EPO: variants seen among roughly 807,000 people sequenced by gnomAD.
EPO encodes the protein epoetin.
A neutral mutation model predicts 24.4 loss-of-function variants in EPO; 12 were observed. The observed-to-expected ratio is 0.49, with a 90% confidence interval of 0.32 to 0.80. EPO has a LOEUF of 0.80. Among genes scored for constraint, EPO ranks in the 30% least tolerant of loss-of-function variants. The pLI is 0.04. For synonymous variants in EPO, 107 were observed against 104.0 expected (o/e 1.03, Z -0.18); for missense variants, 210 against 238.0 (o/e 0.88, Z 0.77).
Position 100,720,510 on chromosome 7 carries a change from A to T in EPO, c.-471A>T, listed in dbSNP as rs1806722153. ...GCTCCGCCAGTCCCAAGGGTGCGCA[A>T]CCGGCTGCACTCCCCTCCCGCGACC... On this transcript the variant is annotated 5_prime_UTR_variant, in exon 1 of 5. Coordinates refer to ENST00000252723, the MANE Select transcript of EPO (RefSeq NM_000799.4). Among the ~76,000 whole-genome samples, 1 of 151,938 alleles carries T rather than the reference A, an allele frequency of 6.6e-6. No individual in the cohort carries two copies. The highest frequency in any genetic ancestry group is 1.5e-5 in the Non-Finnish European group (1 of 67,948).
rs747340501 is a variant in EPO, at chr7:100,721,703, G to C, written c.159G>C (p.Thr53=). The C allele has an allele frequency of 1.2e-6, 2 of 1,608,164 alleles. No individual in the cohort carries two copies. The highest frequency in any genetic ancestry group is 1.7e-6 in the Non-Finnish European group (2 of 1,179,702). The change falls in exon 2 of 5, where the codon ACG becomes ACC. Residue 53 remains threonine, a splice_region_variant and synonymous_variant. Transcript: ENST00000252723. The surrounding 1 kb of genome is among the most constrained non-coding windows in gnomAD (Gnocchi z 4.0). ...LLEAKEAENI[T]TGCAEHCSLN... is the part of the protein sequence containing the mutation. ...AGGCCAAGGAGGCCGAGAATATCAC[G>C]GTGAGACCCCTTCCCCAGCACATTC...
At position 100,722,985 on chromosome 7, in the gene EPO, C is replaced by T; in HGVS notation, c.434C>T (p.Ala145Val). The T allele has an allele frequency of 6.2e-7, 1 of 1,613,820 alleles. No individual in the cohort carries two copies. The highest frequency in any genetic ancestry group is 8.5e-7 in the Non-Finnish European group (1 of 1,179,840). The part of the protein sequence containing the change: ...LLRALGAQKE[A>V]ISPPDAASAA... ...CTGTTTTCTCCTTGGCAGAAGGAAG[C>T]CATCTCCCCTCCAGATGCGGCCTCA... Residue 145 changes from alanine (A) to valine (V), a missense_variant, in exon 5 of 5, where the codon GCC (alanine) becomes GTC (valine). Coordinates refer to ENST00000252723, the MANE Select transcript of EPO (RefSeq NM_000799.4).
chr7:100,720,771 C>G lies in EPO; in HGVS notation c.-210C>G. 6 of 484,360 alleles carry G rather than the reference C, an allele frequency of 1.2e-5. No homozygotes were observed. 30.0% of individuals were successfully genotyped at this position (484,360 alleles called of 1,614,324 possible). A position where few individuals can be genotyped will look rare whatever the true frequency, so the allele number is the denominator to read the frequency against. On this transcript the variant is annotated 5_prime_UTR_variant, in exon 1 of 5. Coordinates refer to ENST00000252723, the MANE Select transcript of EPO (RefSeq NM_000799.4). ...GAGTCCCTGGGCCACCCCGGCCGCT[C>G]GCTGCGCTGCGCCGCACCGCGCTGT...
intron 3 of EPO, 87 bp downstream of exon 3, chr7:100,722,135 G>A: frequency 1.6e-6 from 2 of 1,288,984 alleles, no homozygotes; most frequent in South Asian, 1.4e-5. Context: ...ATGATCGAGG[G>A]AAAGGTAAAA....
chr7:100,720,523 C>G lies in EPO; in HGVS notation c.-458C>G, dbSNP rs1247865794. 1.3e-5 allele frequency among the ~76,000 whole-genome samples: 2 copies of G among 152,164 alleles called. No homozygotes were observed. Among genetic ancestry groups the G allele is most frequent in the Non-Finnish European group, 2.9e-5 (2 of 68,012 alleles). ...CAAGGGTGCGCAACCGGCTGCACTC[C>G]CCTCCCGCGACCCAGGGCCCGGGAG... is the stretch of plus-strand genomic sequence containing the variant. On this transcript the variant is annotated 5_prime_UTR_variant, in exon 1 of 5. Coordinates refer to ENST00000252723, the MANE Select transcript of EPO (RefSeq NM_000799.4).
At position 100,722,686 on chromosome 7, in the gene EPO, T is replaced by C. The variant is rs760394172; in HGVS notation, c.269T>C (p.Val90Ala). The C allele has an allele frequency of 6.2e-7, 1 of 1,600,626 alleles. No homozygotes were observed. Residue 90 changes from valine (V) to alanine (A), a missense_variant, in exon 4 of 5, where the codon GTC (valine) becomes GCC (alanine). Physicochemically the swap from Val to Ala is moderately conservative, Grantham distance 64. Coordinates refer to ENST00000252723, the MANE Select transcript of EPO (RefSeq NM_000799.4). ...TAGGTCGGGCAGCAGGCCGTAGAAGTCTGGCAGGGCCTGGCCCTGCTGTCG... is the reference window on the plus strand; with the variant it reads ...TAGGTCGGGCAGCAGGCCGTAGAAGCCTGGCAGGGCCTGGCCCTGCTGTCG... ...RMEVGQQAVE[V>A]WQGLALLSEA...
chr7:100,722,207 A>G (rs1293611008), intron 3 of EPO, among the ~76,000 whole-genome samples, 159 bp downstream of exon 3: 2 of 152,130 alleles, frequency 1.3e-5, no homozygotes, highest in African/African-American at 4.8e-5. Context: ...CCAGGCTGAG[A>G]TGGCCGAGAT....
At chr7:100,722,261 GCATAGTGAGATCCCC>G in intron 3 of EPO, among the ~76,000 whole-genome samples, 2 of 152,140 alleles carry the variant, frequency 1.3e-5, no homozygotes, top group Middle Eastern at 6.8e-3. Context: ...AACCTAGGCA[GCATAGTGAGATCCCC>G]CATCTCTACA....
rs551617369 is a variant in EPO, at chr7:100,723,202, G to A, written c.*69G>A. ...CATTGCTTGTGCCACACCCTCCCCC[G>A]CCACTCCTGAACCCCGTCGAGGGGC... On this transcript the variant is annotated 3_prime_UTR_variant, in exon 5 of 5. Transcript: ENST00000252723. 35 of 1,531,844 alleles carry A rather than the reference G, an allele frequency of 2.3e-5. No homozygotes were observed. The highest frequency in any genetic ancestry group is 3.6e-4 in the Middle Eastern group (2 of 5,582). 94.9% of individuals were successfully genotyped at this position (1,531,844 alleles called of 1,614,324 possible).
Position 100,722,741 on chromosome 7 carries a change from G to A in EPO, c.324G>A (p.Leu108=), listed in dbSNP as rs745887893. ...CTGTCCTGCGGGGCCAGGCCCTGTT[G>A]GTCAACTCTTCCCAGCCGTGGGAGC... ...SEAVLRGQAL[L]VNSSQPWEPL... Residue 108 remains leucine, a synonymous_variant, in exon 4 of 5, where the codon TTG becomes TTA. Coordinates refer to ENST00000252723, the MANE Select transcript of EPO (RefSeq NM_000799.4). 2 of 1,613,880 alleles carry A rather than the reference G, an allele frequency of 1.2e-6. No homozygotes were observed. The highest frequency in any genetic ancestry group is 1.1e-5 in the South Asian group (1 of 91,072).
rs1404755357 is a variant in EPO at position 100,721,125 on chromosome 7, A to C, written c.13+132A>C. ...ACTTGTCAAGGACCCCGGAAGGGGG[A>C]GGGGGGTGGGGCAGCCTCCACGTGC... On this transcript the variant is annotated intron_variant, in intron 1 of 4. Transcript: ENST00000252723. This position sits in a 1 kb window ranked among gnomAD's most constrained non-coding sequence, Gnocchi z 4.0. The C allele has an allele frequency of 4.5e-5, 12 of 266,990 alleles. No homozygotes were observed. The highest frequency in any genetic ancestry group is 5.6e-5 in the Non-Finnish European group (8 of 141,926). 16.5% of individuals were successfully genotyped at this position (266,990 alleles called of 1,614,324 possible).
chr7:100,722,541 T>C, intron 3 of EPO, 123 bp from the exon 4 acceptor site: 1 of 682,606 alleles, frequency 1.5e-6, no homozygotes, highest in South Asian at 1.9e-5. Context: ...ATTCATTCAT[T>C]CATTCATTCA....
chr7:100,721,929 G>C lies in EPO; in HGVS notation c.160-33G>C. 1 of 1,590,372 alleles carries C rather than the reference G, an allele frequency of 6.3e-7. No homozygotes were observed. Among genetic ancestry groups the C allele is most frequent in the Non-Finnish European group, 8.5e-7 (1 of 1,172,758 alleles). ...GTGGGCCAGGGCCAGAGCCTTCAGG[G>C]ACCCTTGACTCCCCGGGCTGTGTGC... On this transcript the variant is annotated intron_variant, in intron 2 of 4. Coordinates refer to ENST00000252723, the MANE Select transcript of EPO (RefSeq NM_000799.4). The surrounding 1 kb of genome is among the most constrained non-coding windows in gnomAD (Gnocchi z 4.0).
In EPO at chr7:100,721,139, G is replaced by T. The variant is rs1806733832; in HGVS notation, c.13+146G>T. 2 of 873,230 alleles carry T rather than the reference G, an allele frequency of 2.3e-6. No homozygotes were observed. The highest frequency in any genetic ancestry group is 6.5e-5 in the Admixed American group (2 of 30,928). The allele number at this position is 873,230 out of a possible 1,614,324, so 54.1% of individuals were successfully genotyped here. ...CCGGAAGGGGGAGGGGGGTGGGGCAGCCTCCACGTGCCAGCGGGGACTTGG... is the reference window on the plus strand; with the variant it reads ...CCGGAAGGGGGAGGGGGGTGGGGCATCCTCCACGTGCCAGCGGGGACTTGG... On this transcript the variant is annotated intron_variant, in intron 1 of 4. Transcript: ENST00000252723. The surrounding 1 kb of genome is among the most constrained non-coding windows in gnomAD (Gnocchi z 4.0).
In EPO at chr7:100,722,853, A is replaced by G; in HGVS notation, c.426+10A>G. Reference sequence around the variant, plus strand: ...GGCTCTGGGAGCCCAGGTGAGTAGGAGCGGACACTTCTGCTTGCCCTTTCT... The same window carrying G: ...GGCTCTGGGAGCCCAGGTGAGTAGGGGCGGACACTTCTGCTTGCCCTTTCT... On this transcript the variant is annotated intron_variant, in intron 4 of 4. Coordinates refer to ENST00000252723, the MANE Select transcript of EPO (RefSeq NM_000799.4). 1 of 1,612,372 alleles carries G rather than the reference A, an allele frequency of 6.2e-7. No homozygotes were observed. The highest frequency in any genetic ancestry group is 1.7e-5 in the Admixed American group (1 of 59,648).
At position 100,723,231 on chromosome 7, in the gene EPO, C is replaced by A; in HGVS notation, c.*98C>A. The A allele has an allele frequency of 7.0e-7, 1 of 1,419,144 alleles. No homozygotes were observed. Among genetic ancestry groups the A allele is most frequent in the Non-Finnish European group, 9.7e-7 (1 of 1,033,618 alleles). The allele number at this position is 1,419,144 out of a possible 1,614,324, so 87.9% of individuals were successfully genotyped here. A position where few individuals can be genotyped will look rare whatever the true frequency, so the allele number is the denominator to read the frequency against. ...CTCCTGAACCCCGTCGAGGGGCTCT[C>A]AGCTCAGCGCCAGCCTGTCCCATGG... On this transcript the variant is annotated 3_prime_UTR_variant, in exon 5 of 5. Transcript: ENST00000252723.
chr7:100,722,098 C>A (rs779886092), intron 3 of EPO, 50 bp downstream of exon 3: 3 of 1,492,884 alleles, frequency 2.0e-6, no homozygotes, highest in South Asian at 1.2e-5. Flanking sequence ...ATCTCATTTG[C>A]GAGCCTGATT....
intron 3 of EPO, 30 bp downstream of exon 3, chr7:100,722,078 C>G: frequency 7.3e-7 from 1 of 1,378,856 alleles, no homozygotes; most frequent in East Asian, 2.6e-5. Flanking sequence ...TTTTTCCTTT[C>G]TTTTGGAGAA....
chr7:100,723,112 C>G lies in EPO; in HGVS notation c.561C>G (p.Ala187=), dbSNP rs1242682398. ...AGCTGAAGCTGTACACAGGGGAGGCCTGCAGGACAGGGGACAGATGACCAG... is the reference window on the plus strand; with the variant it reads ...AGCTGAAGCTGTACACAGGGGAGGCGTGCAGGACAGGGGACAGATGACCAG... The part of the protein sequence containing the change: ...RGKLKLYTGE[A]CRTGDR Residue 187 remains alanine (A), a synonymous_variant, in exon 5 of 5, where the codon GCC becomes GCG. Transcript: ENST00000252723. 6.2e-6 allele frequency: 10 copies of G among 1,614,066 alleles called. No individual in the cohort carries two copies. The highest frequency in any genetic ancestry group is 8.5e-6 in the Non-Finnish European group (10 of 1,179,978).
Sources: gnomAD v4.1 joint callset for allele counts (sites outside exome capture counted in the v4.1 genomes callset) on GRCh38, gnomAD v4.1.1 for gene constraint, Gnocchi (gnomAD v3.1) non-coding constraint, MANE v1.5 for transcripts, NCBI Gene and HGNC (gene_info 2026-07-23, HGNC 2026-07-21) for gene names.